NEDD4: variants seen among roughly 807,000 people sequenced by gnomAD.
NEDD4 encodes the protein E3 ubiquitin-protein ligase NEDD4.
A neutral mutation model predicts 144.9 loss-of-function variants in NEDD4; 99 were observed. The ratio of observed to expected loss-of-function variants is 0.68; its 90% CI spans 0.58 to 0.81. NEDD4 has a LOEUF of 0.81. Among genes scored for constraint, NEDD4 ranks in the 30% least tolerant of loss-of-function variants. The pLI, the probability that NEDD4 is intolerant of heterozygous loss-of-function variation, is 0.00. For synonymous variants in NEDD4, 318 were observed against 350.6 expected, an observed-to-expected ratio of 0.91 and a Z score of 1.04; for missense variants, 985 against 1,065.9, an observed-to-expected ratio of 0.92 and a Z score of 1.06.
chr15:55,976,271 T>G (rs1288865877), intron 1 of NEDD4, among the ~76,000 whole-genome samples: 3 of 152,072 alleles, frequency 2.0e-5, no homozygotes, highest in Non-Finnish European at 4.4e-5. Context: ...AAGGAAACAA[T>G]CAACAAAGTT....
chr15:55,955,817 T>C (rs1327550710), intron 2 of NEDD4, among the ~76,000 whole-genome samples: 1 of 146,980 alleles, frequency 6.8e-6, no homozygotes, highest in Non-Finnish European at 1.5e-5. Context: ...ATACTACATT[T>C]TTTTTTTTTT....
At chr15:55,845,362 A>G (rs1307558318) in intron 18 of NEDD4, among the ~76,000 whole-genome samples, 2 of 152,184 alleles carry the variant, frequency 1.3e-5, no homozygotes, top group Non-Finnish European at 2.9e-5. Flanking sequence ...ACTTGATCAC[A>G]TTACCTATTC....
At chr15:55,900,034 C>T (rs1310646595) in intron 5 of NEDD4, among the ~76,000 whole-genome samples, 1 of 151,856 alleles carries the variant, frequency 6.6e-6, no homozygotes, top group Non-Finnish European at 1.5e-5. Context: ...TGAATGATGC[C>T]CCACACCACA....
intron 24 of NEDD4, among the ~76,000 whole-genome samples, chr15:55,836,331 GACACACACACAC>G (rs10526731): frequency 0.013 from 1,886 of 147,980 alleles, 19 homozygotes; most frequent in Middle Eastern, 0.014. Context: ...AAAAGTATGT[GACACACACACAC>G]ACACACACAC....
At chr15:55,962,508 A>C (rs956837830) in intron 2 of NEDD4, among the ~76,000 whole-genome samples, 20 of 152,150 alleles carry the variant, frequency 1.3e-4, no homozygotes, top group Non-Finnish European at 2.4e-4. Flanking sequence ...CAGTGGCATA[A>C]TCTTGGCTCA....
intron 5 of NEDD4, among the ~76,000 whole-genome samples, chr15:55,900,792 C>A (rs2035891988): frequency 6.6e-6 from 1 of 152,200 alleles, no homozygotes; most frequent in African/African-American, 2.4e-5. Flanking sequence ...CAACTGCCAA[C>A]TAAACATTTT....
chr15:55,988,486 T>TA (rs1491422042), intron 1 of NEDD4, among the ~76,000 whole-genome samples: 6 of 32,886 alleles, frequency 1.8e-4, no homozygotes, highest in Non-Finnish European at 2.9e-4. Flanking sequence ...AAAAAAAAAA[T>TA]TAAAAAAAAA....
At chr15:55,940,545 T>TCTCTCTCTCTCTCTCTCTCTCTCTCTCC (rs2036981852) in intron 4 of NEDD4, among the ~76,000 whole-genome samples, 1 of 119,974 alleles carries the variant, frequency 8.3e-6, no homozygotes, top group Admixed American at 8.7e-5. Context: ...TCTCTCTCTC[T>TCTCTCTCTCTCTCTCTCTCTCTCTCTCC]GCCTCTCTGC....
intron 12 of NEDD4, among the ~76,000 whole-genome samples, chr15:55,855,592 G>C (rs557087246): frequency 1.5e-4 from 23 of 152,366 alleles, no homozygotes; most frequent in African/African-American, 5.0e-4. Flanking sequence ...TAAGGTCCAA[G>C]CTGCCATCCA....
chr15:55,856,025 G>T (rs769582411), intron 12 of NEDD4, 106 bp downstream of exon 12: 3 of 893,122 alleles, frequency 3.4e-6, no homozygotes, highest in Non-Finnish European at 5.4e-6. Context: ...ATTCTGTGCT[G>T]TATTGGCTCC....
chr15:55,847,498 ATTTT>A (rs1277846459), intron 17 of NEDD4, among the ~76,000 whole-genome samples: 2 of 152,234 alleles, frequency 1.3e-5, no homozygotes, highest in African/African-American at 2.4e-5. Context: ...AGTTTTATTT[ATTTT>A]TATGAATTAG....
At chr15:55,863,218 C>T (rs1376181520) in intron 8 of NEDD4, 139 bp from the exon 9 acceptor site, 2 of 640,396 alleles carry the variant, frequency 3.1e-6, no homozygotes, top group African/African-American at 3.7e-5. Flanking sequence ...CAATCCTCAA[C>T]TTTTAAGACC....
At chr15:55,891,290 T>C (rs1454705644) in intron 5 of NEDD4, among the ~76,000 whole-genome samples, 1 of 152,202 alleles carries the variant, frequency 6.6e-6, no homozygotes, top group Admixed American at 6.5e-5. Context: ...AAAGTCAATA[T>C]GCATAGTCTC....
At chr15:55,943,592 G>A (rs1433090198) in intron 4 of NEDD4, among the ~76,000 whole-genome samples, 4 of 152,232 alleles carry the variant, frequency 2.6e-5, no homozygotes, top group Admixed American at 2.0e-4. Flanking sequence ...AAGAGCTGAG[G>A]CTTAGGAGCT....
chr15:55,872,549 A>G, intron 6 of NEDD4, 73 bp from the exon 7 acceptor site: 1 of 565,134 alleles, frequency 1.8e-6, no homozygotes, highest in Non-Finnish European at 2.9e-6. Flanking sequence ...AATACTCATG[A>G]ACTATCACCT....
At chr15:55,891,224 T>C (rs1468808391) in intron 5 of NEDD4, among the ~76,000 whole-genome samples, 2 of 152,206 alleles carry the variant, frequency 1.3e-5, no homozygotes, top group Non-Finnish European at 2.9e-5. Context: ...TAAAATGAAA[T>C]GATCCCAAAT....
intron 5 of NEDD4, among the ~76,000 whole-genome samples, chr15:55,912,955 G>C (rs2036322395): frequency 6.6e-6 from 1 of 152,050 alleles, no homozygotes; most frequent in Admixed American, 6.6e-5. Flanking sequence ...ACAGAACACA[G>C]ACAGTGTCCC....
In NEDD4 at chr15:55,850,695, G is replaced by A; in HGVS notation, c.1194C>T (p.Gly398=). ...SQLTSSQSSA[G]PQSQASTSDS... The stretch of plus-strand genomic sequence containing the variant: ...CACTGGTGGAGGCTTGTGATTGAGG[G>A]CCTGCAGAACTCTGGCTTGAGGTCA... Residue 398 remains glycine, a synonymous_variant, in exon 14 of 29, where the codon GGC becomes GGT. Transcript: ENST00000435532. 6.2e-7 allele frequency: 1 copy of A among 1,613,970 alleles called. No individual in the cohort carries two copies. Among genetic ancestry groups the A allele is most frequent in the South Asian group, 1.1e-5 (1 of 91,062 alleles).
intron 1 of NEDD4, 78 bp from the exon 2 acceptor site, chr15:55,966,624 CAAAT>C (rs2142330131): frequency 5.0e-6 from 3 of 602,926 alleles, no homozygotes; most frequent in East Asian, 6.6e-5. Flanking sequence ...AAATATATAT[CAAAT>C]AAAGTAATTA....
Sources: gnomAD v4.1 joint callset for allele counts (sites outside exome capture counted in the v4.1 genomes callset) on GRCh38, gnomAD v4.1.1 for gene constraint, MANE v1.5 for transcripts, NCBI Gene and HGNC (gene_info 2026-07-23, HGNC 2026-07-21) for gene names.